ZNF717: variants seen among roughly 807,000 people sequenced by gnomAD.
ZNF717 encodes the protein zinc finger protein 717.
A neutral mutation model predicts 13.8 loss-of-function variants in ZNF717; 9 were observed. The observed-to-expected ratio is 0.65, with a 90% confidence interval of 0.39 to 1.14. ZNF717 has a LOEUF of 1.14. Ranked by LOEUF, ZNF717 falls within the 50% of genes most tolerant of loss-of-function variation. The probability of loss-of-function intolerance (pLI) is 0.01; values close to 1 mark genes in which losing one functional copy is unlikely to be tolerated. For synonymous variants in ZNF717, 327 were observed against 364.1 expected (o/e 0.90, Z 1.16); for missense variants, 1,040 against 1,080.7 (o/e 0.96, Z 0.53).
chr3:75,755,250 T>A (rs1272376199), intron 2 of ZNF717, among the ~76,000 whole-genome samples: 2 of 44,244 alleles, frequency 4.5e-5, no homozygotes, highest in Non-Finnish European at 1.5e-4. Context: ...GGATCAACAT[T>A]TTTTTAAAAA....
At chr3:75,767,824 G>C (rs1236770330) in intron 2 of ZNF717, among the ~76,000 whole-genome samples, 1 of 148,550 alleles carries the variant, frequency 6.7e-6, no homozygotes, top group African/African-American at 2.5e-5. Flanking sequence ...TTTTCAGACA[G>C]AATTTAGAGA....
chr3:75,735,081 T>C (rs1938996711), downstream of ZNF717, among the ~76,000 whole-genome samples: 1 of 152,184 alleles, frequency 6.6e-6, no homozygotes, highest in South Asian at 2.1e-4. Context: ...TGTCTCAGCC[T>C]CCCAAAGTGT....
chr3:75,738,836 T>G lies in ZNF717; in HGVS notation c.787A>C (p.Thr263Pro). ...GTGAAGTCAGACTTTCTACAGCAAG[T>G]TGGCTGTCCTACCTGAGTTATCACT... is the stretch of plus-strand genomic sequence containing the variant. ...VQVITQVGQP[T>P]CCRKSDFTKH... Residue 263 changes from threonine (T) to proline (P), a missense_variant, in exon 5 of 5, where the codon ACT becomes CCT. Around this residue, in one of 3 missense-constraint regions of ZNF717, gnomAD observed 873 missense variants for 832.8 expected, o/e 1.05. Coordinates refer to ENST00000652011, the MANE Select transcript of ZNF717 (RefSeq NM_001290208.3). The G allele has an allele frequency of 6.4e-7, 1 of 1,551,684 alleles. No individual in the cohort carries two copies. Among genetic ancestry groups the G allele is most frequent in the Non-Finnish European group, 8.7e-7 (1 of 1,147,080 alleles).
chr3:75,769,117 C>T (rs1943712238), intron 2 of ZNF717, among the ~76,000 whole-genome samples: 1 of 152,186 alleles, frequency 6.6e-6, no homozygotes, highest in South Asian at 2.1e-4. Context: ...TAATCACCTT[C>T]CCCCCTTGAA....
At chr3:75,719,751 G>A (rs1938132838) in intron 4 of ZNF717, among the ~76,000 whole-genome samples, 1 of 152,100 alleles carries the variant, frequency 6.6e-6, no homozygotes, top group Non-Finnish European at 1.5e-5. Flanking sequence ...GAAGTCAGGA[G>A]TTCGAGATCA....
intron 1 of ZNF717, among the ~76,000 whole-genome samples, chr3:75,783,569 AT>A (rs1944965454): frequency 1.3e-5 from 2 of 152,262 alleles, no homozygotes; most frequent in African/African-American, 4.8e-5. Context: ...AAGTACATTA[AT>A]TGGTAGACAT....
At chr3:75,710,425 T>C (rs1411286556) in exon 6 of ZNF717, 6 of 152,254 alleles carry the variant, frequency 3.9e-5, no homozygotes, top group African/African-American at 9.6e-5. Context: ...AGGATACTTA[T>C]GAGCAGAAGC....
chr3:75,742,447 A>G (rs1442190656), intron 2 of ZNF717, among the ~76,000 whole-genome samples: 9 of 152,236 alleles, frequency 5.9e-5, no homozygotes, highest in African/African-American at 9.6e-5. Context: ...CACAAGTTCA[A>G]TGCAGACTAA....
chr3:75,757,394 C>G (rs1942586271), intron 2 of ZNF717, among the ~76,000 whole-genome samples: 1 of 152,204 alleles, frequency 6.6e-6, no homozygotes, highest in Non-Finnish European at 1.5e-5. Flanking sequence ...AACAGCTCTG[C>G]CTGTACTCTA....
chr3:75,768,498 C>G (rs569226893), intron 2 of ZNF717, among the ~76,000 whole-genome samples: 1 of 148,856 alleles, frequency 6.7e-6, no homozygotes, highest in East Asian at 2.0e-4. Flanking sequence ...GGGCAGATGA[C>G]AGGCCACCAC....
intron 6 of ZNF717, among the ~76,000 whole-genome samples, chr3:75,701,816 G>A (rs1217742081): frequency 6.6e-6 from 1 of 152,232 alleles, no homozygotes; most frequent in African/African-American, 2.4e-5. Flanking sequence ...TTAAAGAGTG[G>A]ACAAAAAATT....
At chr3:75,711,715 G>A (rs1327920456) in intron 5 of ZNF717, among the ~76,000 whole-genome samples, 1 of 152,176 alleles carries the variant, frequency 6.6e-6, no homozygotes, top group African/African-American at 2.4e-5. Context: ...CTGTACCACT[G>A]TATACCAGCT....
At position 75,785,466 on chromosome 3, in the gene ZNF717, TC is replaced by T. The variant is rs1945099694; in HGVS notation, c.-86del. The stretch of plus-strand genomic sequence containing the variant: ...GGAACACTGGTCCGGCCCCCCGGGA[TC>T]CCCCGGGCCCACGGGTTCCTCTTCG... On this transcript the variant is annotated 5_prime_UTR_variant, in exon 1 of 5. It introduces an in-frame stop codon into an upstream open reading frame of the 5' UTR. Coordinates refer to ENST00000652011, the MANE Select transcript of ZNF717 (RefSeq NM_001290208.3). 1 of 152,714 alleles carries T rather than the reference TC, an allele frequency of 6.5e-6. No individual in the cohort carries two copies. The highest frequency in any genetic ancestry group is 1.5e-5 in the Non-Finnish European group (1 of 68,398). The allele number at this position is 152,714 out of a possible 1,614,324, so 9.5% of individuals were successfully genotyped here.
chr3:75,774,682 G>GCGATCT (rs908630789), intron 2 of ZNF717, among the ~76,000 whole-genome samples: 3 of 141,662 alleles, frequency 2.1e-5, no homozygotes, highest in African/African-American at 8.0e-5. Flanking sequence ...GTACAGTGGT[G>GCGATCT]CGATCTCGGC....
At chr3:75,746,350 A>G (rs1333670878) in intron 2 of ZNF717, among the ~76,000 whole-genome samples, 15 of 152,166 alleles carry the variant, frequency 9.9e-5, no homozygotes, top group Non-Finnish European at 1.6e-4. Flanking sequence ...TTACGTGTGT[A>G]TGTGTCTTTA....
downstream of ZNF717, among the ~76,000 whole-genome samples, chr3:75,707,254 A>ATT (rs1937824990): frequency 3.6e-4 from 55 of 151,298 alleles, no homozygotes; most frequent in Non-Finnish European, 5.9e-4. Flanking sequence ...TCAACCCCTT[A>ATT]GCACCAAATT....
chr3:75,737,269 G>C lies in ZNF717; in HGVS notation c.2354C>G (p.Pro785Arg). ...THQGTHSGEK[P>R]YECDECRKTF... The stretch of plus-strand genomic sequence containing the variant: ...TTTCCTACATTCATCACATTCATAG[G>C]GTTTCTCTCCTGAGTGAGTCCCCTG... The change falls in exon 5 of 5, where the codon CCC becomes CGC. Residue 785 changes from proline to arginine, a missense_variant. Pro to Arg is a moderately radical substitution (Grantham distance 103). Coordinates refer to ENST00000652011, the MANE Select transcript of ZNF717 (RefSeq NM_001290208.3). 1 of 1,552,686 alleles carries C rather than the reference G, an allele frequency of 6.4e-7. No individual in the cohort carries two copies. Among genetic ancestry groups the C allele is most frequent in the Admixed American group, 2.0e-5 (1 of 51,046 alleles).
intron 2 of ZNF717, among the ~76,000 whole-genome samples, chr3:75,762,387 GC>G (rs1416056437): frequency 6.7e-6 from 1 of 149,106 alleles, no homozygotes; most frequent in African/African-American, 2.5e-5. Context: ...GTTGCAGTGA[GC>G]TGAGACAGTG....
chr3:75,773,106 T>C (rs577729673), intron 2 of ZNF717, among the ~76,000 whole-genome samples: 2 of 152,128 alleles, frequency 1.3e-5, no homozygotes, highest in Admixed American at 1.3e-4. Context: ...TAAATGATAA[T>C]ATTGGAACGG....
Sources: gnomAD v4.1 joint callset for allele counts (sites outside exome capture counted in the v4.1 genomes callset) on GRCh38, gnomAD v4.1.1 for gene constraint, gnomAD v4.1.1 regional missense constraint, MANE v1.5 for transcripts, NCBI Gene and HGNC (gene_info 2026-07-23, HGNC 2026-07-21) for gene names.